Variants in NAT1 observed in about 807,000 individuals in gnomAD.
NAT1 encodes the protein N-acetyltransferase 1, also known as arylamine N-acetyltransferase 1.
For synonymous variants in NAT1, 144 were observed against 122.6 expected (o/e 1.17, Z -1.16); for missense variants, 400 against 339.2 (o/e 1.18, Z -1.41).
rs546186302 is a variant in NAT1, at chr8:18,172,933, G to A, written n.92+2194G>A. ...TGTATCTGAAAAGTGCCTCTGAGCA[G>A]TGCCCCTGTAGAAGAACAAAAGCAT... On this transcript the variant is annotated intron_variant and non_coding_transcript_variant, in intron 2 of 4. Coordinates refer to the NAT1 transcript ENST00000517441. Among the ~76,000 whole-genome samples the A allele has an allele frequency of 3.9e-5, 6 of 152,214 alleles. No homozygotes were observed. In the South Asian group the frequency reaches 1.2e-3, roughly 32 times the overall value.
At chr8:18,213,444 G>C (rs57737501) in intron 1 of NAT1, among the ~76,000 whole-genome samples, 1 of 152,016 alleles carries the variant, frequency 6.6e-6, no homozygotes, top group African/African-American at 2.4e-5. Flanking sequence ...TGACTCCTGT[G>C]GTTTCATTTT....
intron 2 of NAT1, among the ~76,000 whole-genome samples, chr8:18,176,905 T>G (rs1802316168): frequency 6.6e-6 from 1 of 152,100 alleles, no homozygotes; most frequent in African/African-American, 2.4e-5. Flanking sequence ...AATCAATGTT[T>G]TATAGCTTTT....
chr8:18,178,365 T>C (rs1292048428), intron 2 of NAT1, among the ~76,000 whole-genome samples: 2 of 152,136 alleles, frequency 1.3e-5, no homozygotes, highest in Non-Finnish European at 2.9e-5. Flanking sequence ...AAAAGTTTAG[T>C]GTGGATTTTC....
chr8:18,222,660 ATGAATAC>A lies in NAT1; in HGVS notation c.614_620del (p.Met205AsnfsTer46). 6.2e-7 allele frequency: 1 copy of A among 1,613,870 alleles called. No individual in the cohort carries two copies. Among genetic ancestry groups the A allele is most frequent in the Non-Finnish European group, 8.5e-7 (1 of 1,179,950 alleles). On this transcript the variant is annotated frameshift_variant, in exon 3 of 3. Transcript: ENST00000307719. LOFTEE classifies it low-confidence loss of function (END_TRUNC). ...TCGAACAATTGAAGATTTTGAGTCT[ATGAATAC>A]ATACCTGCAGACATCTCCATCATCT... is the stretch of plus-strand genomic sequence containing the variant.
intron 2 of NAT1, among the ~76,000 whole-genome samples, chr8:18,179,889 T>C (rs914757162): frequency 2.0e-5 from 3 of 152,050 alleles, no homozygotes; most frequent in African/African-American, 7.3e-5. Context: ...ATTTGCAGTG[T>C]AGAAAGATTA....
intron 2 of NAT1, among the ~76,000 whole-genome samples, chr8:18,199,279 A>C: frequency 6.8e-6 from 1 of 146,000 alleles, no homozygotes; most frequent in East Asian, 2.0e-4. Context: ...GCAACACTGC[A>C]CTCCAGCCTG....
intron 2 of NAT1, among the ~76,000 whole-genome samples, chr8:18,202,741 G>C (rs1803519814): frequency 6.6e-6 from 1 of 152,180 alleles, no homozygotes; most frequent in Non-Finnish European, 1.5e-5. Flanking sequence ...GAGTGTTACA[G>C]CTTACAAAGG....
At chr8:18,192,003 C>T (rs1393791583) in intron 2 of NAT1, among the ~76,000 whole-genome samples, 1 of 151,724 alleles carries the variant, frequency 6.6e-6, no homozygotes, top group Non-Finnish European at 1.5e-5. Context: ...TCTAATTAAA[C>T]TAAAGAGCTT....
chr8:18,217,879 T>G (rs764197797), intron 1 of NAT1, among the ~76,000 whole-genome samples: 1 of 152,180 alleles, frequency 6.6e-6, no homozygotes, highest in Non-Finnish European at 1.5e-5. Flanking sequence ...TAGATAGTCT[T>G]GTATAATAGG....
At chr8:18,188,372 A>G (rs979263405) in intron 2 of NAT1, among the ~76,000 whole-genome samples, 12 of 152,158 alleles carry the variant, frequency 7.9e-5, no homozygotes, top group Non-Finnish European at 1.6e-4. Flanking sequence ...GACTTTTATC[A>G]AGGTAAAATT....
chr8:18,197,127 A>T (rs1283713163), intron 2 of NAT1, among the ~76,000 whole-genome samples: 1 of 152,176 alleles, frequency 6.6e-6, no homozygotes, highest in Non-Finnish European at 1.5e-5. Flanking sequence ...TTATGAGAAC[A>T]GCATGGGGAA....
rs748142921 is a variant in NAT1, at chr8:18,222,402, T to C, written c.355T>C (p.Tyr119His). The C allele has an allele frequency of 2.5e-6, 4 of 1,614,116 alleles. No individual in the cohort carries two copies. In the Admixed American group the frequency reaches 6.7e-5, roughly 27 times the overall value. ...LLQVTIDGRN[Y>H]IVDAGFGRSY... ...GCAGGTGACCATTGATGGCAGGAACTACATTGTCGATGCTGGGTTTGGACG... is the reference window on the plus strand; with the variant it reads ...GCAGGTGACCATTGATGGCAGGAACCACATTGTCGATGCTGGGTTTGGACG... Residue 119 changes from tyrosine to histidine, a missense_variant, in exon 3 of 3, where the codon TAC becomes CAC. Tyr to His is a moderately conservative substitution (Grantham distance 83). Transcript: ENST00000307719.
chr8:18,189,939 G>T (rs1802913586), intron 2 of NAT1, among the ~76,000 whole-genome samples: 1 of 152,012 alleles, frequency 6.6e-6, no homozygotes, highest in African/African-American at 2.4e-5. Flanking sequence ...ACATGCACGT[G>T]CCACCACACC....
At chr8:18,194,516 C>T (rs1803150593) in intron 2 of NAT1, among the ~76,000 whole-genome samples, 1 of 151,768 alleles carries the variant, frequency 6.6e-6, no homozygotes, top group African/African-American at 2.4e-5. Context: ...AAAGCATGGC[C>T]CTTGAGCAGG....
At chr8:18,194,485 A>G (rs930814967) in intron 2 of NAT1, among the ~76,000 whole-genome samples, 4 of 152,088 alleles carry the variant, frequency 2.6e-5, no homozygotes, top group Admixed American at 1.3e-4. Context: ...AGAGAGTTTA[A>G]TGGCCCTGTA....
At chr8:18,210,273 T>C (rs1009402229) in intron 1 of NAT1, 93 bp downstream of exon 1, 1 of 152,180 alleles carries the variant, frequency 6.6e-6, no homozygotes, top group Non-Finnish European at 1.5e-5. Flanking sequence ...ATGTCTACAT[T>C]TCAAGTATAA....
At chr8:18,210,997 G>T (rs1276643218) in intron 1 of NAT1, among the ~76,000 whole-genome samples, 1 of 152,072 alleles carries the variant, frequency 6.6e-6, no homozygotes, top group African/African-American at 2.4e-5. Context: ...TAGCGATGGG[G>T]TTTCACCGTC....
intron 2 of NAT1, among the ~76,000 whole-genome samples, chr8:18,195,624 G>T (rs1803197837): frequency 6.6e-6 from 1 of 152,012 alleles, no homozygotes. Context: ...TGCCATTCCT[G>T]TATATTATTA....
Position 18,176,865 on chromosome 8 carries a change from T to C in NAT1, n.92+6126T>C, listed in dbSNP as rs149164475. On this transcript the variant is annotated intron_variant and non_coding_transcript_variant, in intron 2 of 4. Coordinates refer to the NAT1 transcript ENST00000517441. ...TCAATCCATAAACACAGAATATCTTTCCATTTATTGTGTCATCTTCAATTT... is the reference window on the plus strand; with the variant it reads ...TCAATCCATAAACACAGAATATCTTCCCATTTATTGTGTCATCTTCAATTT... Among the ~76,000 whole-genome samples, 171 of 152,240 alleles carry C rather than the reference T, an allele frequency of 1.1e-3. 1 individual carries two copies. The highest frequency in any genetic ancestry group is 3.9e-3 in the African/African-American group (162 of 41,580).
Sources: allele counts gnomAD v4.1 joint callset (sites outside exome capture counted in the v4.1 genomes callset), GRCh38; gene constraint gnomAD v4.1.1; transcripts MANE v1.5; gene names NCBI Gene and HGNC (gene_info 2026-07-23, HGNC 2026-07-21).